The following KIAA1217 variants were observed in gnomAD, a reference collection of about 807,000 sequenced individuals.
KIAA1217 encodes KIAA1217, also known as sickle tail protein homolog.
In KIAA1217, 88 loss-of-function variants were observed where a neutral mutation model predicts 163.9. The ratio of observed to expected loss-of-function variants is 0.54; its 90% confidence interval spans 0.45 to 0.64. The LOEUF is 0.64. KIAA1217 is among the 30% of genes least tolerant of loss of function. The pLI, the probability that KIAA1217 is intolerant of heterozygous loss-of-function variation, is 0.00. For synonymous variants in KIAA1217, 903 were observed against 923.1 expected (o/e 0.98, Z 0.39); for missense variants, 2,372 against 2,475.0 (o/e 0.96, Z 0.88).
intron 1 of KIAA1217, among the ~76,000 whole-genome samples, chr10:23,792,531 AT>A (rs1836003201): frequency 6.6e-6 from 1 of 151,568 alleles, no homozygotes; most frequent in African/African-American, 2.4e-5. Context: ...TCGCTCTGTC[AT>A]CCCAGGCTGG....
intron 10 of KIAA1217, among the ~76,000 whole-genome samples, chr10:24,514,659 A>C (rs998243621): frequency 6.6e-6 from 1 of 152,074 alleles, no homozygotes; most frequent in Non-Finnish European, 1.5e-5. Flanking sequence ...ATTATCTAAA[A>C]CTAGGTCTCC....
rs755589611 is a variant in KIAA1217 at position 24,473,716 on chromosome 10, T to G, written c.1335T>G (p.His445Gln). The stretch of plus-strand genomic sequence containing the variant: ...ACCCCTCAATGCAAGCGGAAATGCA[T>G]ATGGAACAATCACTGTACAGACAGA... ...YCNPSMQAEM[H>Q]MEQSLYRQKS... The change falls in exon 6 of 21, where the codon CAT (histidine) becomes CAG (glutamine). Residue 445 changes from histidine (H) to glutamine (Q), a missense_variant. Transcript: ENST00000376454. 1.2e-6 allele frequency: 2 copies of G among 1,613,916 alleles called. No homozygotes were observed.
At chr10:24,280,830 T>G (rs1240205284) in intron 2 of KIAA1217, among the ~76,000 whole-genome samples, 1 of 143,668 alleles carries the variant, frequency 7.0e-6, no homozygotes, top group East Asian at 2.0e-4. Flanking sequence ...AAAAAAAGAA[T>G]AAACCTAATT....
chr10:24,209,180 G>A lies in KIAA1217; in HGVS notation c.-14G>A, dbSNP rs7081709. ...TTTCCAGAGAGCGAGGAGCTTTTGC[G>A]GCAGGCAGAGACAATGGAAGAAAAT... On this transcript the variant is annotated 5_prime_UTR_variant, in exon 1 of 21. Coordinates refer to ENST00000376454, the MANE Select transcript of KIAA1217 (RefSeq NM_019590.5). 6.2e-4 allele frequency: 1,001 copies of A among 1,613,320 alleles called. 2 individuals carry two copies. In the African/African-American group the frequency reaches 0.012, roughly 19 times the overall value.
chr10:23,835,734 A>G (rs559839024), intron 1 of KIAA1217, among the ~76,000 whole-genome samples: 1 of 152,190 alleles, frequency 6.6e-6, no homozygotes, highest in East Asian at 1.9e-4. Flanking sequence ...ACCATTAAGA[A>G]TATGATTTTT....
At chr10:24,384,195 C>A (rs752630313) in intron 3 of KIAA1217, among the ~76,000 whole-genome samples, 26 of 152,194 alleles carry the variant, frequency 1.7e-4, no homozygotes, top group Non-Finnish European at 3.4e-4. Flanking sequence ...TGTATGTTGT[C>A]ACTTTATCTC....
At chr10:24,457,176 T>C (rs1385902767) in intron 5 of KIAA1217, among the ~76,000 whole-genome samples, 2 of 152,140 alleles carry the variant, frequency 1.3e-5, no homozygotes, top group Admixed American at 1.3e-4. Flanking sequence ...TGCTCTAACG[T>C]TGCTTTTCTG....
chr10:23,847,751 T>C (rs866858792), intron 1 of KIAA1217, among the ~76,000 whole-genome samples: 1 of 152,184 alleles, frequency 6.6e-6, no homozygotes, highest in Non-Finnish European at 1.5e-5. Flanking sequence ...TTTCTTGTCT[T>C]CTGCTGGTTT....
intron 2 of KIAA1217, among the ~76,000 whole-genome samples, chr10:24,259,295 T>G (rs1007665649): frequency 4.6e-5 from 7 of 152,136 alleles, no homozygotes; most frequent in Admixed American, 2.0e-4. Context: ...TTACTTGGAA[T>G]TACCCTAATA....
chr10:23,841,306 A>G (rs1838769043), intron 1 of KIAA1217, among the ~76,000 whole-genome samples: 1 of 152,338 alleles, frequency 6.6e-6, no homozygotes, highest in Admixed American at 6.5e-5. Flanking sequence ...CAACAACTGT[A>G]AAGACCCTGA....
At chr10:24,215,477 G>T (rs976475998) in intron 1 of KIAA1217, among the ~76,000 whole-genome samples, 1 of 152,224 alleles carries the variant, frequency 6.6e-6, no homozygotes, top group Non-Finnish European at 1.5e-5. Flanking sequence ...CTGTTTTGAT[G>T]ACTTGGATAA....
At chr10:23,748,510 G>A (rs1247697353) in intron 1 of KIAA1217, among the ~76,000 whole-genome samples, 2 of 133,126 alleles carry the variant, frequency 1.5e-5, no homozygotes, top group African/African-American at 5.9e-5. Context: ...AAGGAGAGGA[G>A]AGGAGAGGAA....
chr10:24,002,626 C>A (rs1328191442), intron 1 of KIAA1217, among the ~76,000 whole-genome samples: 12 of 152,186 alleles, frequency 7.9e-5, no homozygotes, highest in Non-Finnish European at 8.8e-5. Flanking sequence ...CCAAACCCCT[C>A]TCTTTTATAT....
chr10:24,353,654 T>C (rs1195208343), intron 2 of KIAA1217, among the ~76,000 whole-genome samples: 1 of 152,228 alleles, frequency 6.6e-6, no homozygotes, highest in Non-Finnish European at 1.5e-5. Flanking sequence ...TGACTCAGTT[T>C]TTCAGTGTAG....
chr10:24,267,022 A>G (rs1390611937), intron 2 of KIAA1217, among the ~76,000 whole-genome samples: 1 of 152,166 alleles, frequency 6.6e-6, no homozygotes, highest in African/African-American at 2.4e-5. Context: ...ACCTACCCAC[A>G]TCTTCCCCTA....
At chr10:23,923,521 G>A (rs1403420823) in intron 1 of KIAA1217, among the ~76,000 whole-genome samples, 1 of 152,112 alleles carries the variant, frequency 6.6e-6, no homozygotes, top group Non-Finnish European at 1.5e-5. Flanking sequence ...GTGATCACAG[G>A]CATCTTTGTA....
intron 1 of KIAA1217, among the ~76,000 whole-genome samples, chr10:23,762,378 G>A (rs963158866): frequency 1.3e-5 from 2 of 151,532 alleles, no homozygotes; most frequent in African/African-American, 4.8e-5. Context: ...TCATTAACGG[G>A]CAAACCAAAT....
chr10:24,321,072 A>T (rs2044086797), intron 2 of KIAA1217, among the ~76,000 whole-genome samples: 1 of 151,712 alleles, frequency 6.6e-6, no homozygotes, highest in South Asian at 2.1e-4. Context: ...AAAATGCTAC[A>T]GAGAAAGGGG....
chr10:24,484,241 A>ATATATTTTTTTTTTTTTT (rs1376083298), intron 6 of KIAA1217, among the ~76,000 whole-genome samples: 1 of 75,146 alleles, frequency 1.3e-5, no homozygotes, highest in Non-Finnish European at 2.5e-5. Context: ...ATATATATAT[A>ATATATTTTTTTTTTTTTT]TTTTTTTTTT....
Sources: gnomAD v4.1 joint callset for allele counts (sites outside exome capture counted in the v4.1 genomes callset) on GRCh38, gnomAD v4.1.1 for gene constraint, MANE v1.5 for transcripts, NCBI Gene and HGNC (gene_info 2026-07-23, HGNC 2026-07-21) for gene names.